The following CD46 variants were observed in gnomAD, a reference collection of about 807,000 sequenced individuals.
The protein encoded by CD46 is membrane cofactor protein.
Under a neutral mutation model 53.3 loss-of-function variants are expected in CD46, and 30 were observed. The ratio of observed to expected loss-of-function variants is 0.56; its 90% CI spans 0.42 to 0.76. CD46 has a LOEUF of 0.76. Ranked by LOEUF, CD46 falls within the 30% of genes least tolerant of loss-of-function variation. The probability of loss-of-function intolerance (pLI) is 0.00; values close to 1 mark genes in which losing one functional copy is unlikely to be tolerated. For missense variants in CD46, 409 were observed against 463.0 expected (o/e 0.88, Z 1.07); for synonymous variants, 142 against 152.0 (o/e 0.93, Z 0.48).
chr1:207,792,719 GGGAGGGC>G (rs1659915743), intron 12 of CD46, among the ~76,000 whole-genome samples: 1 of 152,196 alleles, frequency 6.6e-6, no homozygotes, highest in Non-Finnish European at 1.5e-5. Context: ...TACTAAGGCA[GGGAGGGC>G]CCAGAGCTGT....
At chr1:207,788,933 T>C (rs1430725739) in intron 11 of CD46, among the ~76,000 whole-genome samples, 1 of 152,212 alleles carries the variant, frequency 6.6e-6, no homozygotes, top group Non-Finnish European at 1.5e-5. Context: ...CTGAGAACAG[T>C]ATAGGATACC....
At chr1:207,760,016 G>A in intron 4 of CD46, 1 of 278,890 alleles carries the variant, frequency 3.6e-6, no homozygotes, top group Admixed American at 5.0e-5. Context: ...CAGTAGCTGG[G>A]GCTTCAGGCA....
chr1:207,787,602 G>T (rs1042879472), intron 11 of CD46, among the ~76,000 whole-genome samples: 1 of 152,164 alleles, frequency 6.6e-6, no homozygotes, highest in Non-Finnish European at 1.5e-5. Flanking sequence ...CCTGCAAATA[G>T]TAGCACAACT....
intron 8 of CD46, among the ~76,000 whole-genome samples, chr1:207,776,879 T>G (rs1158800105): frequency 6.6e-6 from 1 of 152,218 alleles, no homozygotes; most frequent in Non-Finnish European, 1.5e-5. Flanking sequence ...TAAGCGATCC[T>G]CCTGCCTCAG....
Position 207,790,800 on chromosome 1 carries a change from C to G in CD46, c.*41+455C>G, listed in dbSNP as rs562599921. 1.4e-4 allele frequency among the ~76,000 whole-genome samples: 21 copies of G among 152,172 alleles called. 1 individual carries two copies. In the South Asian group the frequency reaches 4.4e-3, roughly 32 times the overall value. ...TCTGTAAAGACATTTTATCAGTTTC[C>G]CTGGGCTGGGATATTTTTAGCATAT... is the stretch of plus-strand genomic sequence containing the variant. On this transcript the variant is annotated intron_variant, in intron 12 of 12. Transcript: ENST00000367042.
In CD46 at chr1:207,757,442, A is replaced by G. The variant is rs983866841; in HGVS notation, c.287-98A>G. ...TTATAATAAGTAAATAATGAAAATT[A>G]TATTCCCACCCATTCAAAAGAGCAC... On this transcript the variant is annotated intron_variant, in intron 2 of 12. Transcript: ENST00000367042. The G allele has an allele frequency of 7.2e-6, 6 of 834,704 alleles. No homozygotes were observed. In the Admixed American group the frequency reaches 8.1e-5, roughly 11 times the overall value. The allele number at this position is 834,704 out of a possible 1,614,324, so 51.7% of individuals were successfully genotyped here. A position where few individuals can be genotyped will look rare whatever the true frequency, so the allele number is the denominator to read the frequency against.
At chr1:207,764,269 G>A (rs1656594650) in intron 5 of CD46, among the ~76,000 whole-genome samples, 1 of 152,218 alleles carries the variant, frequency 6.6e-6, no homozygotes. Flanking sequence ...GAAACAGCGT[G>A]TGCTGCTGGA....
intron 1 of CD46, among the ~76,000 whole-genome samples, chr1:207,753,347 A>G (rs1402614631): frequency 6.6e-6 from 1 of 152,224 alleles, no homozygotes; most frequent in African/African-American, 2.4e-5. Context: ...TTTATTTTGT[A>G]TTTCATTGAA....
rs184165008 is a variant in CD46 at position 207,758,052 on chromosome 1, C to T, written c.389+410C>T. Among the ~76,000 whole-genome samples, 95 of 152,252 alleles carry T rather than the reference C, an allele frequency of 6.2e-4. 1 individual carries two copies. Among genetic ancestry groups the T allele is most frequent in the East Asian group, 1.4e-3 (7 of 5,182 alleles). On this transcript the variant is annotated intron_variant, in intron 3 of 12. Transcript: ENST00000367042. Reference sequence around the variant, plus strand: ...TAAAGTGTTATCAGACCAAAACTGACGCGGTTAGCCTTTACCATCATGTTG... The same window carrying T: ...TAAAGTGTTATCAGACCAAAACTGATGCGGTTAGCCTTTACCATCATGTTG...
chr1:207,788,243 C>G (rs1293093905), intron 11 of CD46, among the ~76,000 whole-genome samples: 1 of 151,818 alleles, frequency 6.6e-6, no homozygotes, highest in African/African-American at 2.4e-5. Context: ...CCAGCCGGGC[C>G]TGGTGGCTCA....
At chr1:207,793,363 C>T (rs1449068633) in intron 12 of CD46, among the ~76,000 whole-genome samples, 156 bp from the exon 13 acceptor site, 1 of 152,138 alleles carries the variant, frequency 6.6e-6, no homozygotes, top group Non-Finnish European at 1.5e-5. Context: ...ACCAGTTGAA[C>T]ATTTGAAATT....
chr1:207,758,198 A>G (rs1156831718), intron 3 of CD46, among the ~76,000 whole-genome samples: 3 of 152,200 alleles, frequency 2.0e-5, no homozygotes, highest in Non-Finnish European at 4.4e-5. Flanking sequence ...AGTTGTATAT[A>G]TTGGAGATAC....
intron 12 of CD46, among the ~76,000 whole-genome samples, chr1:207,792,959 T>C (rs1224922763): frequency 6.6e-6 from 1 of 152,262 alleles, no homozygotes; most frequent in East Asian, 1.9e-4. Flanking sequence ...TTAAATTACA[T>C]GTATGACTGG....
rs984241460 is a variant in CD46 at position 207,753,408 on chromosome 1, G to A, written c.97+1099G>A. On this transcript the variant is annotated intron_variant, in intron 1 of 12. Transcript: ENST00000367042. Reference sequence around the variant, plus strand: ...TGCTAGGCCAGGCGCAGTGGCTCACGCCTGTGATCCCAGCGCTTTGGGAGG... The same window carrying A: ...TGCTAGGCCAGGCGCAGTGGCTCACACCTGTGATCCCAGCGCTTTGGGAGG... Among the ~76,000 whole-genome samples, 18 of 152,340 alleles carry A rather than the reference G, an allele frequency of 1.2e-4. 1 individual carries two copies. Among genetic ancestry groups the A allele is most frequent in the Admixed American group, 7.8e-4 (12 of 15,304 alleles).
intron 8 of CD46, among the ~76,000 whole-genome samples, chr1:207,772,193 C>A (rs1360381955): frequency 6.6e-6 from 1 of 152,122 alleles, no homozygotes; most frequent in African/African-American, 2.4e-5. Context: ...CATTATTTGG[C>A]TCTCTGTTTG....
At chr1:207,769,866 G>A (rs111750965) in intron 7 of CD46, 5,174 of 165,782 alleles carry the variant, frequency 0.031, 274 homozygotes, top group East Asian at 0.24. Flanking sequence ...GGGTTCAAGC[G>A]GTTCTCCTGC....
intron 5 of CD46, among the ~76,000 whole-genome samples, chr1:207,766,159 ACT>A (rs1380052231): frequency 6.6e-6 from 1 of 152,150 alleles, no homozygotes; most frequent in Non-Finnish European, 1.5e-5. Flanking sequence ...AAGAGGGGTA[ACT>A]CACAAAAGAG....
At chr1:207,760,475 A>C (rs1171792583) in intron 4 of CD46, 1 of 152,240 alleles carries the variant, frequency 6.6e-6, no homozygotes, top group Admixed American at 6.5e-5. Flanking sequence ...ATATATTTAT[A>C]AATTGCAAAG....
At chr1:207,790,232 G>A (rs768243952) in intron 11 of CD46, 21 bp from the exon 12 acceptor site, 33 of 1,318,466 alleles carry the variant, frequency 2.5e-5, no homozygotes, top group African/African-American at 8.7e-5. Context: ...TTATTCAGCC[G>A]TTTTCTCTTC....
Sources: gnomAD v4.1 joint callset for allele counts (sites outside exome capture counted in the v4.1 genomes callset) on GRCh38, gnomAD v4.1.1 for gene constraint, MANE v1.5 for transcripts, NCBI Gene and HGNC (gene_info 2026-07-23, HGNC 2026-07-21) for gene names.